Variants in ZFR observed in about 807,000 individuals in gnomAD.
ZFR encodes zinc finger RNA binding protein.
ZFR carries 19 observed loss-of-function variants against 130.7 expected under a neutral mutation model. The ratio of observed to expected loss-of-function variants is 0.15; its 90% CI spans 0.10 to 0.21. The LOEUF (loss-of-function observed/expected upper bound fraction) is 0.21. ZFR is among the 10% of genes least tolerant of loss of function. The probability of loss-of-function intolerance (pLI) is 1.00; values close to 1 mark genes in which losing one functional copy is unlikely to be tolerated. For synonymous variants in ZFR, 466 were observed against 456.9 expected (o/e 1.02, Z -0.25); for missense variants, 872 against 1,321.5 (o/e 0.66, Z 5.27).
intron 15 of ZFR, chr5:32,383,737 G>C (rs1371377719): frequency 4.4e-6 from 2 of 456,518 alleles, no homozygotes; most frequent in Admixed American, 2.3e-5. Context: ...AGCACTGGGA[G>C]CTGCAGTGAG....
chr5:32,439,007 G>A (rs1002445963), intron 2 of ZFR, among the ~76,000 whole-genome samples: 1 of 152,150 alleles, frequency 6.6e-6, no homozygotes, highest in African/African-American at 2.4e-5. Flanking sequence ...TGTTCATAGT[G>A]TACTATAAGG....
intron 19 of ZFR, among the ~76,000 whole-genome samples, chr5:32,358,759 C>T (rs992293822): frequency 1.2e-4 from 18 of 150,918 alleles, no homozygotes; most frequent in African/African-American, 2.2e-4. Context: ...GTTAATTAAT[C>T]GTCTTGGCTG....
chr5:32,436,867 A>G (rs983317332), intron 2 of ZFR, among the ~76,000 whole-genome samples: 4 of 152,218 alleles, frequency 2.6e-5, no homozygotes, highest in African/African-American at 9.6e-5. Flanking sequence ...TTTTTAATTT[A>G]AGTGCAAGTT....
chr5:32,358,582 C>T (rs1247724523), intron 19 of ZFR, among the ~76,000 whole-genome samples: 5 of 151,906 alleles, frequency 3.3e-5, no homozygotes, highest in Admixed American at 6.6e-5. Flanking sequence ...GCATGAACCC[C>T]GGAGGCGGCT....
At chr5:32,418,727 C>T (rs911966237) in intron 3 of ZFR, among the ~76,000 whole-genome samples, 5 of 152,156 alleles carry the variant, frequency 3.3e-5, no homozygotes, top group Admixed American at 1.3e-4. Flanking sequence ...TGTTGATTTA[C>T]ATTTCAATTT....
At chr5:32,378,061 T>C (rs1484243534) in intron 17 of ZFR, among the ~76,000 whole-genome samples, 2 of 152,214 alleles carry the variant, frequency 1.3e-5, no homozygotes, top group African/African-American at 2.4e-5. Flanking sequence ...TATGACAGTG[T>C]AAAGAATATA....
At chr5:32,391,378 C>T (rs551515852) in intron 11 of ZFR, among the ~76,000 whole-genome samples, 86 of 152,248 alleles carry the variant, frequency 5.6e-4, no homozygotes, top group African/African-American at 2.0e-3. Flanking sequence ...TTGCTGAGGT[C>T]ATCAGGATTT....
At chr5:32,440,422 C>T (rs1337505514) in intron 2 of ZFR, among the ~76,000 whole-genome samples, 3 of 151,988 alleles carry the variant, frequency 2.0e-5, no homozygotes, top group East Asian at 1.9e-4. Flanking sequence ...CTGAGGCGGG[C>T]GGAGGACCGG....
chr5:32,394,809 T>A (rs2910931), intron 11 of ZFR, among the ~76,000 whole-genome samples: 95,479 of 152,054 alleles, frequency 0.63, 30,384 homozygotes, highest in African/African-American at 0.72. Flanking sequence ...TGGACATTAT[T>A]AACATGTAGA....
rs751588958 is a variant in ZFR, at chr5:32,388,462, A to G, written c.2348+7T>C. The stretch of plus-strand genomic sequence containing the variant: ...ATTACACATGGTAAATAACTTTCAA[A>G]ACACACCTGTCTTTACCTCCCTCTT... On this transcript the variant is annotated splice_region_variant and intron_variant, in intron 13 of 19. Coordinates refer to ENST00000265069, the MANE Select transcript of ZFR (RefSeq NM_016107.5). The G allele has an allele frequency of 1.3e-5, 21 of 1,612,302 alleles. No homozygotes were observed. Among genetic ancestry groups the G allele is most frequent in the Non-Finnish European group, 1.7e-5 (20 of 1,178,982 alleles).
chr5:32,403,764 T>C, intron 7 of ZFR, 142 bp downstream of exon 7: 1 of 693,736 alleles, frequency 1.4e-6, no homozygotes. Context: ...GATGTCACCT[T>C]TATGTATTAT....
At chr5:32,403,809 GT>G in intron 7 of ZFR, 96 bp downstream of exon 7, 1 of 1,210,214 alleles carries the variant, frequency 8.3e-7, no homozygotes, top group Non-Finnish European at 1.1e-6. Context: ...GCACTTAAAA[GT>G]TTTCGAACTT....
chr5:32,407,127 C>T, intron 5 of ZFR, 106 bp from the exon 6 acceptor site: 1 of 1,040,890 alleles, frequency 9.6e-7, no homozygotes, highest in East Asian at 2.8e-5. Flanking sequence ...GATAGATTTA[C>T]ATGTGCATAT....
intron 12 of ZFR, among the ~76,000 whole-genome samples, chr5:32,389,447 G>C (rs1488966450): frequency 6.6e-6 from 1 of 152,180 alleles, no homozygotes; most frequent in Non-Finnish European, 1.5e-5. Context: ...TCTTCCTAAA[G>C]TACTGGGATT....
chr5:32,414,897 ACAAT>A (rs1221059908), intron 5 of ZFR, 68 bp downstream of exon 5: 11 of 1,347,820 alleles, frequency 8.2e-6, no homozygotes, highest in Middle Eastern at 4.9e-4. Flanking sequence ...AATTTCAAAG[ACAAT>A]CAAGATAGTT....
chr5:32,416,306 C>T (rs182346903), intron 4 of ZFR, among the ~76,000 whole-genome samples: 4 of 152,176 alleles, frequency 2.6e-5, no homozygotes, highest in East Asian at 1.9e-4. Context: ...TTATTATACA[C>T]GGAAATCAAT....
chr5:32,370,355 CAG>C, intron 17 of ZFR, among the ~76,000 whole-genome samples: 1 of 1,902 alleles, frequency 5.3e-4, no homozygotes, highest in East Asian at 7.1e-3. Context: ...GAGAGAGAGA[CAG>C]ACAGACAGAC....
chr5:32,391,525 CTTTTTT>C (rs34370191), intron 11 of ZFR, among the ~76,000 whole-genome samples: 3 of 134,148 alleles, frequency 2.2e-5, no homozygotes, highest in Admixed American at 7.4e-5. Flanking sequence ...GAAATCTACT[CTTTTTT>C]TTTTTTTTTT....
intron 17 of ZFR, among the ~76,000 whole-genome samples, chr5:32,374,387 T>C (rs562978854): frequency 2.4e-4 from 36 of 151,910 alleles, no homozygotes; most frequent in African/African-American, 8.4e-4. Flanking sequence ...CCTGTAATCC[T>C]AGCTACTCGG....
Sources: allele counts gnomAD v4.1 joint callset (sites outside exome capture counted in the v4.1 genomes callset), GRCh38; gene constraint gnomAD v4.1.1; transcripts MANE v1.5; gene names NCBI Gene and HGNC (gene_info 2026-07-23, HGNC 2026-07-21).